Variants in PGAP1 observed in about 807,000 individuals in gnomAD.
PGAP1 encodes the protein post-GPI attachment to proteins inositol deacylase 1, also known as GPI inositol-deacylase.
Under a neutral mutation model 127.0 loss-of-function variants are expected in PGAP1, and 76 were observed. That is an observed-to-expected ratio of 0.60 (90% confidence interval 0.50 to 0.72). The LOEUF (loss-of-function observed/expected upper bound fraction) is 0.72, where lower values mean the gene tolerates loss of function less well. Ranked by LOEUF, PGAP1 falls within the 30% of genes least tolerant of loss-of-function variation. PGAP1 has a pLI of 0.00. For synonymous variants in PGAP1, 362 were observed against 366.5 expected (o/e 0.99, Z 0.14); for missense variants, 982 against 1,071.3 (o/e 0.92, Z 1.16).
In PGAP1 at chr2:196,840,394, C is replaced by G. The variant is rs1700372611; in HGVS notation, c.*840G>C. On this transcript the variant is annotated 3_prime_UTR_variant, in exon 27 of 27. Coordinates refer to ENST00000354764, the MANE Select transcript of PGAP1 (RefSeq NM_024989.4). ...TAACAATCCATTATGACCTCAGGCA[C>G]TTTTGGCAACCATGGTGCAATGAAT... The G allele has an allele frequency of 6.6e-6, 1 of 152,102 alleles. No individual in the cohort carries two copies. Among genetic ancestry groups the G allele is most frequent in the African/African-American group, 2.4e-5 (1 of 41,416 alleles). 9.4% of individuals were successfully genotyped at this position (152,102 alleles called of 1,614,324 possible). A position where few individuals can be genotyped will look rare whatever the true frequency, so the allele number is the denominator to read the frequency against.
chr2:196,893,992 C>A (rs1702185445), intron 7 of PGAP1, among the ~76,000 whole-genome samples: 1 of 152,172 alleles, frequency 6.6e-6, no homozygotes, highest in African/African-American at 2.4e-5. Flanking sequence ...GTCTACTAAA[C>A]CTTTCCAATC....
intron 4 of PGAP1, among the ~76,000 whole-genome samples, chr2:196,905,240 G>C (rs751089735): frequency 6.6e-6 from 1 of 152,076 alleles, no homozygotes; most frequent in Non-Finnish European, 1.5e-5. Flanking sequence ...ACACCACACA[G>C]AATGCAACAA....
At chr2:196,858,171 G>A (rs868486219) in intron 20 of PGAP1, among the ~76,000 whole-genome samples, 1 of 152,102 alleles carries the variant, frequency 6.6e-6, no homozygotes, top group Non-Finnish European at 1.5e-5. Context: ...GGAGGCCGAG[G>A]TGGGCAGATC....
Position 196,893,262 on chromosome 2 carries a change from T to C in PGAP1, c.928-17A>G, listed in dbSNP as rs750038255. The C allele has an allele frequency of 5.3e-6, 7 of 1,313,174 alleles. No individual in the cohort carries two copies. The highest frequency in any genetic ancestry group is 7.7e-6 in the Non-Finnish European group (7 of 911,576). 81.3% of individuals were successfully genotyped at this position (1,313,174 alleles called of 1,614,324 possible). On this transcript the variant is annotated splice_polypyrimidine_tract_variant and intron_variant, in intron 7 of 26. Transcript: ENST00000354764. ...TTGAGTTATCTAGAAAGAACATTGA[T>C]ACATTCTGTATCATTTTGTATCTAT...
At chr2:196,885,982 G>C (rs910140905) in intron 10 of PGAP1, 102 bp from the exon 11 acceptor site, 1 of 649,946 alleles carries the variant, frequency 1.5e-6, no homozygotes, top group African/African-American at 1.9e-5. Flanking sequence ...ATATGATATA[G>C]GGTGACTAGG....
At chr2:196,872,917 T>C in intron 17 of PGAP1, 43 bp downstream of exon 17, 1 of 724,728 alleles carries the variant, frequency 1.4e-6, no homozygotes, top group Non-Finnish European at 2.4e-6. Context: ...TATCTATTAT[T>C]CAAAAACACC....
At chr2:196,898,861 C>T (rs1208293841) in intron 5 of PGAP1, among the ~76,000 whole-genome samples, 1 of 151,756 alleles carries the variant, frequency 6.6e-6, no homozygotes, top group East Asian at 1.9e-4. Flanking sequence ...ACCAAATATG[C>T]CTAATCACAA....
At chr2:196,903,560 CAAAAAAAAA>C (rs11312715) in intron 4 of PGAP1, among the ~76,000 whole-genome samples, 1 of 79,324 alleles carries the variant, frequency 1.3e-5, no homozygotes, top group Non-Finnish European at 2.6e-5. Flanking sequence ...GACTCTGTCT[CAAAAAAAAA>C]AAAAAAAAAA....
At chr2:196,894,995 G>T (rs941969793) in intron 7 of PGAP1, among the ~76,000 whole-genome samples, 2 of 152,038 alleles carry the variant, frequency 1.3e-5, no homozygotes, top group African/African-American at 4.8e-5. Flanking sequence ...TAGTTTCCCT[G>T]AATATATATG....
chr2:196,926,692 G>A lies in PGAP1; in HGVS notation c.-76C>T, dbSNP rs369966474. On this transcript the variant is annotated 5_prime_UTR_variant, in exon 1 of 27. Coordinates refer to ENST00000354764, the MANE Select transcript of PGAP1 (RefSeq NM_024989.4). Reference sequence around the variant, plus strand: ...CGCCGCGGGGCCCCAAGCCCGGACTGAGCGTGCTAGACACTGTCCGACCGC... The same window carrying A: ...CGCCGCGGGGCCCCAAGCCCGGACTAAGCGTGCTAGACACTGTCCGACCGC... The A allele has an allele frequency of 1.1e-4, 170 of 1,597,860 alleles. No individual in the cohort carries two copies. The African/African-American group carries it at 1.4e-3, about 13-fold the overall frequency.
intron 20 of PGAP1, 65 bp from the exon 21 acceptor site, chr2:196,848,102 C>G (rs1379350408): frequency 9.3e-6 from 10 of 1,079,920 alleles, no homozygotes; most frequent in Non-Finnish European, 1.3e-5. Flanking sequence ...CTATATCCCA[C>G]GTTCTCTAAA....
At chr2:196,873,485 T>G (rs1295061415) in intron 16 of PGAP1, 43 bp downstream of exon 16, 13 of 1,463,664 alleles carry the variant, frequency 8.9e-6, no homozygotes, top group Non-Finnish European at 1.1e-5. Flanking sequence ...AGTCTTCAAA[T>G]GACAATATTA....
Position 196,837,665 on chromosome 2 carries a change from A to G in PGAP1, c.*3569T>C, listed in dbSNP as rs761181859. Reference sequence around the variant, plus strand: ...ATAGGAACTAAATAATGAACAAAACAAATAATCCACCTCATGTAAGTTTGT... The same window carrying G: ...ATAGGAACTAAATAATGAACAAAACGAATAATCCACCTCATGTAAGTTTGT... On this transcript the variant is annotated 3_prime_UTR_variant, in exon 27 of 27. Transcript: ENST00000354764. 6 of 152,178 alleles carry G rather than the reference A, an allele frequency of 3.9e-5. No individual in the cohort carries two copies. Among genetic ancestry groups the G allele is most frequent in the Non-Finnish European group, 7.3e-5 (5 of 68,030 alleles). 9.4% of individuals were successfully genotyped at this position (152,178 alleles called of 1,614,324 possible). A position where few individuals can be genotyped will look rare whatever the true frequency, so the allele number is the denominator to read the frequency against.
chr2:196,902,306 A>G (rs1285143374), intron 5 of PGAP1, among the ~76,000 whole-genome samples: 1 of 152,174 alleles, frequency 6.6e-6, no homozygotes, highest in African/African-American at 2.4e-5. Flanking sequence ...ACAAAGCACT[A>G]GAATTATAGG....
intron 4 of PGAP1, among the ~76,000 whole-genome samples, chr2:196,904,677 G>C (rs532471907): frequency 6.6e-6 from 1 of 152,016 alleles, no homozygotes; most frequent in South Asian, 2.1e-4. Context: ...GCAGTGAGCC[G>C]AGATTGCGCC....
chr2:196,896,561 G>A (rs890118736), intron 7 of PGAP1, among the ~76,000 whole-genome samples: 1 of 151,980 alleles, frequency 6.6e-6, no homozygotes, highest in Non-Finnish European at 1.5e-5. Flanking sequence ...AAAAATAAAA[G>A]AAGGCCGGGT....
intron 21 of PGAP1, 108 bp from the exon 22 acceptor site, chr2:196,847,308 C>T: frequency 1.3e-6 from 1 of 786,982 alleles, no homozygotes; most frequent in Non-Finnish European, 2.0e-6. Context: ...TTCCATGATA[C>T]TTAATTTATA....
chr2:196,847,281 C>T (rs1338506336), intron 21 of PGAP1, 81 bp from the exon 22 acceptor site: 1 of 1,033,420 alleles, frequency 9.7e-7, no homozygotes, highest in East Asian at 2.4e-5. Context: ...TCTGACTATT[C>T]AAGAGAGTCT....
intron 10 of PGAP1, among the ~76,000 whole-genome samples, chr2:196,887,397 A>G (rs941170306): frequency 3.3e-5 from 5 of 151,976 alleles, no homozygotes; most frequent in African/African-American, 1.2e-4. Flanking sequence ...AAACAAAACA[A>G]AACAAAACAA....
Sources: gnomAD v4.1 joint callset for allele counts (sites outside exome capture counted in the v4.1 genomes callset) on GRCh38, gnomAD v4.1.1 for gene constraint, MANE v1.5 for transcripts, NCBI Gene and HGNC (gene_info 2026-07-23, HGNC 2026-07-21) for gene names.